THNSL1: variants seen among roughly 807,000 people sequenced by gnomAD.
The protein encoded by THNSL1 is threonine synthase like 1.
A neutral mutation model predicts 50.4 loss-of-function variants in THNSL1; 48 were observed. The ratio of observed to expected loss-of-function variants is 0.95; its 90% confidence interval spans 0.76 to 1.21. THNSL1 has a LOEUF of 1.21. THNSL1 is among the 50% of genes most tolerant of loss of function. The pLI is 0.00. For missense variants in THNSL1, 896 were observed against 871.7 expected (o/e 1.03, Z -0.35); for synonymous variants, 309 against 306.1 (o/e 1.01, Z -0.10).
At chr10:24,994,953 G>A in the THNSL1 span, among the ~76,000 whole-genome samples, 8 of 152,106 alleles carry the variant, frequency 5.3e-5, no homozygotes, top group Non-Finnish European at 1.2e-4. Flanking sequence ...GCCGGAAGTT[G>A]GAAGTTGCAG....
In THNSL1 at chr10:25,024,543, C is replaced by T; in HGVS notation, c.1320C>T (p.Cys440=). Residue 440 remains cysteine (C), a synonymous_variant, in exon 3 of 3, where the codon TGC becomes TGT. Transcript: ENST00000376356. ...AVGVESDFDF[C]QTAIKRIFND... ...GTGTTGAGTCAGATTTTGATTTTTG[C>T]CAGACAGCTATAAAAAGAATTTTTA... 1.2e-6 allele frequency: 2 copies of T among 1,614,112 alleles called. No homozygotes were observed. Among genetic ancestry groups the T allele is most frequent in the East Asian group, 2.2e-5 (1 of 44,888 alleles).
At chr10:25,020,199 A>G (rs1016398297) in intron 1 of THNSL1, among the ~76,000 whole-genome samples, 3 of 151,330 alleles carry the variant, frequency 2.0e-5, no homozygotes, top group African/African-American at 7.3e-5. Context: ...TAATATTGAT[A>G]CAGAATTTAC....
At chr10:24,975,673 G>A in the THNSL1 span, among the ~76,000 whole-genome samples, 1 of 152,120 alleles carries the variant, frequency 6.6e-6, no homozygotes, top group Non-Finnish European at 1.5e-5. Context: ...CATGTAAGAT[G>A]TTCCTGCTTT....
At chr10:24,964,409 C>A in the THNSL1 span, among the ~76,000 whole-genome samples, 1 of 152,164 alleles carries the variant, frequency 6.6e-6, no homozygotes. Context: ...TTCTTTCATG[C>A]TTCCTGGAAT....
intron 2 of THNSL1, 81 bp from the exon 3 acceptor site, chr10:25,023,095 C>G: frequency 2.4e-6 from 2 of 840,616 alleles, no homozygotes; most frequent in East Asian, 2.7e-5. Flanking sequence ...ATATTCAGTC[C>G]TATTGGGATT....
chr10:24,972,749 T>C, the THNSL1 span, among the ~76,000 whole-genome samples: 1 of 152,070 alleles, frequency 6.6e-6, no homozygotes. Flanking sequence ...AGTTGCAACA[T>C]TCCTGACAGT....
In THNSL1 at chr10:25,025,621, C is replaced by G; in HGVS notation, c.*166C>G. On this transcript the variant is annotated 3_prime_UTR_variant, in exon 3 of 3. Transcript: ENST00000376356. ...GGCTGACATGAGAACTCCATGTCAC[C>G]TCCTCAGATCTTTAATCTGGAAGTG... The G allele has an allele frequency of 3.1e-6, 2 of 643,178 alleles. No individual in the cohort carries two copies. The highest frequency in any genetic ancestry group is 2.7e-6 in the Non-Finnish European group (1 of 371,358). 39.8% of individuals were successfully genotyped at this position (643,178 alleles called of 1,614,324 possible).
upstream of THNSL1, among the ~76,000 whole-genome samples, chr10:25,012,842 T>C (rs1194691532): frequency 1.3e-5 from 2 of 152,170 alleles, no homozygotes; most frequent in African/African-American, 4.8e-5. Context: ...ATGATTGGTT[T>C]TGAAATGTGA....
chr10:25,025,625 T>G lies in THNSL1; in HGVS notation c.*170T>G. On this transcript the variant is annotated 3_prime_UTR_variant, in exon 3 of 3. Transcript: ENST00000376356. The stretch of plus-strand genomic sequence containing the variant: ...GACATGAGAACTCCATGTCACCTCC[T>G]CAGATCTTTAATCTGGAAGTGACAA... The G allele has an allele frequency of 1.6e-6, 1 of 642,128 alleles. No homozygotes were observed. The highest frequency in any genetic ancestry group is 2.1e-5 in the South Asian group (1 of 46,690). The allele number at this position is 642,128 out of a possible 1,614,324, so 39.8% of individuals were successfully genotyped here.
intron 1 of THNSL1, among the ~76,000 whole-genome samples, chr10:25,017,701 A>C (rs1185039158): frequency 6.6e-6 from 1 of 151,534 alleles, no homozygotes; most frequent in Non-Finnish European, 1.5e-5. Flanking sequence ...TCTTCACATC[A>C]GATTGTCTTC....
chr10:25,002,276 C>T, the THNSL1 span, among the ~76,000 whole-genome samples: 1 of 152,140 alleles, frequency 6.6e-6, no homozygotes, highest in South Asian at 2.1e-4. Context: ...CATACATGTG[C>T]TATCAACCAA....
At chr10:24,952,611 C>G in the THNSL1 span, 3 of 1,301,986 alleles carry the variant, frequency 2.3e-6, no homozygotes, top group Non-Finnish European at 3.0e-6. The surrounding 1 kb of genome is among the most constrained non-coding windows in gnomAD (Gnocchi z 5.1). Flanking sequence ...GAAGACGGCG[C>G]GGGAAGGAGC....
the THNSL1 span, among the ~76,000 whole-genome samples, chr10:25,007,565 G>A: frequency 6.6e-6 from 1 of 152,100 alleles, no homozygotes; most frequent in Admixed American, 6.6e-5. Context: ...CTCCAGAGTA[G>A]CTGGGACTAC....
chr10:25,011,875 A>G (rs1433807746), upstream of THNSL1, among the ~76,000 whole-genome samples: 9 of 152,262 alleles, frequency 5.9e-5, no homozygotes, highest in Non-Finnish European at 1.2e-4. Flanking sequence ...CCAAATGTTA[A>G]TAGCCAAAAC....
the THNSL1 span, among the ~76,000 whole-genome samples, chr10:24,995,453 T>C: frequency 6.6e-6 from 1 of 152,230 alleles, no homozygotes; most frequent in Admixed American, 6.5e-5. Flanking sequence ...TATATGGAAT[T>C]GTTTACTATG....
At chr10:25,007,982 T>G in the THNSL1 span, among the ~76,000 whole-genome samples, 1 of 148,312 alleles carries the variant, frequency 6.7e-6, no homozygotes, top group Non-Finnish European at 1.5e-5. Flanking sequence ...ATTATATATA[T>G]GTATATATAA....
chr10:24,988,048 C>G, the THNSL1 span, among the ~76,000 whole-genome samples: 189 of 151,716 alleles, frequency 1.2e-3, no homozygotes, highest in African/African-American at 4.4e-3. Flanking sequence ...CAGCGAAACC[C>G]CATCTTTACT....
intron 1 of THNSL1, among the ~76,000 whole-genome samples, chr10:25,020,246 A>ATATCTG (rs1850690960): frequency 7.4e-6 from 1 of 134,706 alleles, no homozygotes; most frequent in Admixed American, 8.3e-5. Flanking sequence ...AAATATATCT[A>ATATCTG]TATCTATATC....
chr10:24,967,549 CA>C, the THNSL1 span, among the ~76,000 whole-genome samples: 1 of 148,320 alleles, frequency 6.7e-6, no homozygotes, highest in Non-Finnish European at 1.5e-5. Flanking sequence ...GGTCCTCAAA[CA>C]AATTTTACAA....
Sources: gnomAD v4.1 joint callset for allele counts (sites outside exome capture counted in the v4.1 genomes callset) on GRCh38, gnomAD v4.1.1 for gene constraint, Gnocchi (gnomAD v3.1) non-coding constraint, MANE v1.5 for transcripts, NCBI Gene and HGNC (gene_info 2026-07-23, HGNC 2026-07-21) for gene names.